CSMD1: variants seen among roughly 807,000 people sequenced by gnomAD.
CSMD1 encodes CUB and sushi domain-containing protein 1.
Under a neutral mutation model 417.5 loss-of-function variants are expected in CSMD1, and 213 were observed. The ratio of observed to expected loss-of-function variants is 0.51; its 90% CI spans 0.46 to 0.57. The LOEUF (loss-of-function observed/expected upper bound fraction) is 0.57. Among genes scored for constraint, CSMD1 ranks in the 20% least tolerant of loss-of-function variants. CSMD1 has a pLI of 0.00. For missense variants in CSMD1, 6,923 were observed against 4,529.7 expected (o/e 1.53, Z -15.17); for synonymous variants, 2,862 against 1,736.8 (o/e 1.65, Z -16.11).
In CSMD1 at chr8:3,399,353, C is replaced by A. The variant is rs755193457; in HGVS notation, c.2405+38G>T. 5 of 1,544,452 alleles carry A rather than the reference C, an allele frequency of 3.2e-6. No individual in the cohort carries two copies. In the South Asian group the frequency reaches 6.4e-5, roughly 20 times the overall value. On this transcript the variant is annotated intron_variant, in intron 16 of 69. Coordinates refer to ENST00000635120, the MANE Select transcript of CSMD1 (RefSeq NM_033225.6). The stretch of plus-strand genomic sequence containing the variant: ...TTACTAAAACTATGGAAGAGACACA[C>A]ACCATTGGGTCCAAATGAAGACTAA...
At chr8:3,492,476 T>A (rs1037374706) in intron 11 of CSMD1, among the ~76,000 whole-genome samples, 1 of 152,060 alleles carries the variant, frequency 6.6e-6, no homozygotes, top group Non-Finnish European at 1.5e-5. Flanking sequence ...AAGACGCTTC[T>A]GGTTTAGTGG....
intron 2 of CSMD1, among the ~76,000 whole-genome samples, chr8:4,497,209 G>C (rs1802020238): frequency 6.6e-6 from 1 of 152,056 alleles, no homozygotes; most frequent in African/African-American, 2.4e-5. Context: ...TTGGCCTCCA[G>C]ACTGTGCTAC....
intron 7 of CSMD1, among the ~76,000 whole-genome samples, chr8:3,660,528 T>C (rs1798360535): frequency 1.4e-4 from 2 of 14,578 alleles, no homozygotes; most frequent in East Asian, 2.8e-3. Flanking sequence ...TTTTTTTTTT[T>C]TTTTTTTTTT....
chr8:4,102,611 C>G (rs1015493382), intron 3 of CSMD1, among the ~76,000 whole-genome samples: 4 of 152,154 alleles, frequency 2.6e-5, no homozygotes, highest in African/African-American at 4.8e-5. Flanking sequence ...CATGTCTACT[C>G]AAATGCCTCC....
intron 7 of CSMD1, among the ~76,000 whole-genome samples, chr8:3,630,404 T>A (rs11776250): frequency 0.49 from 74,559 of 151,784 alleles, 18,576 homozygotes; most frequent in East Asian, 0.72. Flanking sequence ...TATTCAAAGA[T>A]CCGAAAAAAG....
intron 5 of CSMD1, among the ~76,000 whole-genome samples, chr8:3,795,019 T>A (rs1447780607): frequency 2.6e-5 from 4 of 151,450 alleles, no homozygotes; most frequent in Non-Finnish European, 4.4e-5. Context: ...TACATATCTA[T>A]CATATATAGC....
At chr8:4,124,564 G>C (rs970089788) in intron 3 of CSMD1, among the ~76,000 whole-genome samples, 1 of 152,098 alleles carries the variant, frequency 6.6e-6, no homozygotes, top group Non-Finnish European at 1.5e-5. Context: ...GGCCACCTGC[G>C]CCCGGTAGTG....
chr8:4,421,821 G>T (rs1037231589), intron 2 of CSMD1, among the ~76,000 whole-genome samples: 4 of 151,298 alleles, frequency 2.6e-5, no homozygotes, highest in African/African-American at 9.7e-5. Context: ...CAAAAAACAA[G>T]AAAAGTACAG....
intron 3 of CSMD1, among the ~76,000 whole-genome samples, chr8:4,053,853 T>G (rs1798559394): frequency 6.6e-6 from 1 of 152,326 alleles, no homozygotes; most frequent in African/African-American, 2.4e-5. Flanking sequence ...TAGGTTGGTT[T>G]ATATATTGAC....
chr8:4,064,393 C>G (rs1372844231), intron 3 of CSMD1, among the ~76,000 whole-genome samples: 5 of 152,140 alleles, frequency 3.3e-5, no homozygotes, highest in Non-Finnish European at 7.3e-5. Context: ...TTTTCTCCCT[C>G]AATGTTGAGA....
At chr8:4,344,684 A>C (rs569041925) in intron 3 of CSMD1, among the ~76,000 whole-genome samples, 1 of 152,176 alleles carries the variant, frequency 6.6e-6, no homozygotes, top group Admixed American at 6.6e-5. Context: ...AAAGATATTA[A>C]AAATGTTTCC....
chr8:4,628,054 T>G (rs1461423323), intron 2 of CSMD1, among the ~76,000 whole-genome samples: 1 of 151,680 alleles, frequency 6.6e-6, no homozygotes, highest in African/African-American at 2.4e-5. Context: ...TCACCCCCAG[T>G]GGAGAAAGGC....
chr8:4,777,934 G>C (rs186570920), intron 1 of CSMD1, among the ~76,000 whole-genome samples: 252 of 152,226 alleles, frequency 1.7e-3, no homozygotes, highest in African/African-American at 5.3e-3. Context: ...CCTATAATAC[G>C]GTTGTAGTAG....
intron 1 of CSMD1, among the ~76,000 whole-genome samples, chr8:4,758,292 C>T (rs1009924870): frequency 1.3e-5 from 2 of 152,242 alleles, no homozygotes; most frequent in East Asian, 3.9e-4. Flanking sequence ...CCAACGTTGC[C>T]TTTTGAATGT....
In CSMD1 at chr8:3,369,349, T is replaced by C. The variant is rs1809802543; in HGVS notation, c.2804A>G (p.Gln935Arg). The C allele has an allele frequency of 6.3e-7, 1 of 1,585,596 alleles. No homozygotes were observed. The highest frequency in any genetic ancestry group is 8.7e-7 in the Non-Finnish European group (1 of 1,154,836). Residue 935 changes from glutamine to arginine, a missense_variant, in exon 19 of 70, where the codon CAA (glutamine) becomes CGA (arginine). Coordinates refer to ENST00000635120, the MANE Select transcript of CSMD1 (RefSeq NM_033225.6). ...SCDALCGGYI[Q>R]GKSGTVLSPG... ...AGAAAGGACTGTTCCACTCTTCCCT[T>C]GGATGTAGCCTCCACATAGAGCTTA...
intron 12 of CSMD1, among the ~76,000 whole-genome samples, chr8:3,437,921 A>G (rs1319140733): frequency 6.6e-6 from 1 of 152,008 alleles, no homozygotes; most frequent in Non-Finnish European, 1.5e-5. Context: ...CTAATTCTTT[A>G]GTAGAGACAG....
chr8:4,456,600 T>A lies in CSMD1; in HGVS notation c.303-36535A>T, dbSNP rs557189115. On this transcript the variant is annotated intron_variant, in intron 2 of 69. Coordinates refer to ENST00000635120, the MANE Select transcript of CSMD1 (RefSeq NM_033225.6). ...CTTCTCACAAACACGGCTGTAGGGA[T>A]AGAAGAGTAGAGGCAATATTAAACA... is the stretch of plus-strand genomic sequence containing the variant. Among the ~76,000 whole-genome samples, 235 of 152,180 alleles carry A rather than the reference T, an allele frequency of 1.5e-3. 1 individual carries two copies. The highest frequency in any genetic ancestry group is 5.1e-3 in the African/African-American group (210 of 41,522).
chr8:3,180,272 C>T (rs991907472), intron 37 of CSMD1, among the ~76,000 whole-genome samples: 1 of 152,208 alleles, frequency 6.6e-6, no homozygotes, highest in African/African-American at 2.4e-5. Flanking sequence ...CTCTGTCTCA[C>T]ATCCATCTTT....
At chr8:4,140,112 G>T (rs751152011) in intron 3 of CSMD1, among the ~76,000 whole-genome samples, 20 of 150,950 alleles carry the variant, frequency 1.3e-4, no homozygotes, top group Non-Finnish European at 2.1e-4. Context: ...TAACACTTTT[G>T]GAGGTGAAGG....
Sources: allele counts gnomAD v4.1 joint callset (sites outside exome capture counted in the v4.1 genomes callset), GRCh38; gene constraint gnomAD v4.1.1; transcripts MANE v1.5; gene names NCBI Gene and HGNC (gene_info 2026-07-23, HGNC 2026-07-21).